Variants in AATF observed in about 807,000 individuals in gnomAD.
The protein encoded by AATF is apoptosis antagonizing transcription factor, also known as protein AATF.
Under a neutral mutation model 63.7 loss-of-function variants are expected in AATF, and 48 were observed. That is an observed-to-expected ratio of 0.75 (90% confidence interval 0.60 to 0.96). The LOEUF (loss-of-function observed/expected upper bound fraction) is 0.96, where lower values mean the gene tolerates loss of function less well. AATF is among the 40% of genes least tolerant of loss of function. The pLI, the probability that AATF is intolerant of heterozygous loss-of-function variation, is 0.00. For missense variants in AATF, 639 were observed against 685.7 expected, an observed-to-expected ratio of 0.93 and a Z score of 0.76; for synonymous variants, 258 against 247.7, an observed-to-expected ratio of 1.04 and a Z score of -0.39.
At chr17:36,992,483 A>G (rs186131974) in intron 8 of AATF, among the ~76,000 whole-genome samples, 2 of 152,336 alleles carry the variant, frequency 1.3e-5, no homozygotes, top group African/African-American at 4.8e-5. Flanking sequence ...GAGACAATCA[A>G]AAATGTTCCA....
At chr17:37,012,862 C>T (rs1198604766) in intron 8 of AATF, among the ~76,000 whole-genome samples, 1 of 152,076 alleles carries the variant, frequency 6.6e-6, no homozygotes, top group Non-Finnish European at 1.5e-5. Flanking sequence ...GGATCATAGA[C>T]CTAAATATAA....
At chr17:36,994,505 G>A (rs1332114614) in intron 8 of AATF, among the ~76,000 whole-genome samples, 1 of 152,226 alleles carries the variant, frequency 6.6e-6, no homozygotes, top group Non-Finnish European at 1.5e-5. Flanking sequence ...GGTTTTATGA[G>A]AGAAACTGTT....
chr17:36,955,405 G>A (rs1597697682), intron 4 of AATF, among the ~76,000 whole-genome samples: 1 of 152,194 alleles, frequency 6.6e-6, no homozygotes, highest in African/African-American at 2.4e-5. Context: ...CTTCCCAGGA[G>A]CCTTACGTGG....
chr17:37,050,439 ATGT>A (rs900614261), intron 11 of AATF, among the ~76,000 whole-genome samples: 5 of 152,246 alleles, frequency 3.3e-5, no homozygotes, highest in African/African-American at 1.2e-4. Context: ...CATCTAGTAC[ATGT>A]TTAAGCTTCC....
chr17:37,008,717 T>C (rs1289079757), intron 8 of AATF, among the ~76,000 whole-genome samples: 1 of 151,954 alleles, frequency 6.6e-6, no homozygotes, highest in African/African-American at 2.4e-5. Context: ...TGGAAAAAAT[T>C]AGCTGGGCAT....
intron 4 of AATF, among the ~76,000 whole-genome samples, chr17:36,979,263 A>G (rs1260323626): frequency 1.3e-5 from 2 of 152,210 alleles, no homozygotes; most frequent in Non-Finnish European, 2.9e-5. Flanking sequence ...TTAAAGTTGA[A>G]GACAGTGGAA....
chr17:36,985,619 C>T (rs1361483020), intron 4 of AATF, among the ~76,000 whole-genome samples: 1 of 151,932 alleles, frequency 6.6e-6, no homozygotes, highest in Non-Finnish European at 1.5e-5. Flanking sequence ...TCTTGACTCA[C>T]TGCAACCTCC....
chr17:37,018,076 A>G (rs925559938), intron 8 of AATF, among the ~76,000 whole-genome samples: 2 of 152,354 alleles, frequency 1.3e-5, no homozygotes, highest in Admixed American at 1.3e-4. Flanking sequence ...AATTTCTCTC[A>G]GAAGATTTTT....
Position 37,056,765 on chromosome 17 carries a change from C to T in AATF, c.*101C>T. On this transcript the variant is annotated 3_prime_UTR_variant, in exon 12 of 12. Coordinates refer to ENST00000619387, the MANE Select transcript of AATF (RefSeq NM_012138.4). The stretch of plus-strand genomic sequence containing the variant: ...TTATGGGGCTGAGCTAGTAGGGAAG[C>T]CCCTGGAAAGATGCTGCGTTCCGAA... 1.5e-6 allele frequency: 2 copies of T among 1,318,844 alleles called. No individual in the cohort carries two copies. Among genetic ancestry groups the T allele is most frequent in the South Asian group, 2.5e-5 (2 of 80,912 alleles). The allele number at this position is 1,318,844 out of a possible 1,614,324, so 81.7% of individuals were successfully genotyped here.
chr17:37,027,421 A>G (rs1214591123), intron 10 of AATF, among the ~76,000 whole-genome samples: 1 of 152,116 alleles, frequency 6.6e-6, no homozygotes, highest in African/African-American at 2.4e-5. Context: ...CTAAGTACAG[A>G]TTACTAAATG....
chr17:36,954,660 A>G (rs1447713054), intron 4 of AATF, among the ~76,000 whole-genome samples: 1 of 152,240 alleles, frequency 6.6e-6, no homozygotes, highest in Non-Finnish European at 1.5e-5. Context: ...AGGAAAAGGA[A>G]TTGAGAGACT....
intron 4 of AATF, among the ~76,000 whole-genome samples, chr17:36,985,651 C>G (rs2142243975): frequency 6.6e-6 from 1 of 152,102 alleles, no homozygotes. Context: ...TTAAGCAATT[C>G]TCCAGCCTCA....
At chr17:37,006,100 A>G (rs1400061215) in intron 8 of AATF, among the ~76,000 whole-genome samples, 2 of 152,226 alleles carry the variant, frequency 1.3e-5, no homozygotes, top group South Asian at 2.1e-4. Context: ...TTGTGCCGCT[A>G]TACTCCAGCC....
intron 11 of AATF, among the ~76,000 whole-genome samples, chr17:37,036,319 C>T (rs1156678464): frequency 1.3e-5 from 2 of 152,112 alleles, no homozygotes. Flanking sequence ...TGAATCCCCC[C>T]CATATCCCTT....
At chr17:37,018,525 T>C (rs2071445132) in intron 8 of AATF, among the ~76,000 whole-genome samples, 1 of 152,224 alleles carries the variant, frequency 6.6e-6, no homozygotes, top group African/African-American at 2.4e-5. Flanking sequence ...TTTAATTACA[T>C]ACAGTAAAGG....
intron 4 of AATF, among the ~76,000 whole-genome samples, chr17:36,959,890 C>G (rs1476083354): frequency 6.6e-6 from 1 of 152,028 alleles, no homozygotes; most frequent in Non-Finnish European, 1.5e-5. Flanking sequence ...AGTATGAAAA[C>G]AGATTTCACT....
At chr17:37,049,907 G>A (rs984617662) in intron 11 of AATF, among the ~76,000 whole-genome samples, 1 of 152,138 alleles carries the variant, frequency 6.6e-6, no homozygotes, top group African/African-American at 2.4e-5. Context: ...CAGAGTGCAG[G>A]AGAGATGGAG....
In AATF at chr17:37,053,919, GGC is replaced by G. The variant is rs748693362; in HGVS notation, c.1620-2681_1620-2680del. ...TGAACGATGAGTATCAAATCATTAT[GGC>G]ATGTAGGTTCCATTGCAGGCATTAC... On this transcript the variant is annotated intron_variant, in intron 11 of 11. Transcript: ENST00000619387. Among the ~76,000 whole-genome samples the G allele has an allele frequency of 7.2e-5, 11 of 152,306 alleles. No homozygotes were observed. The South Asian group carries it at 1.0e-3, about 14-fold the overall frequency.
intron 8 of AATF, among the ~76,000 whole-genome samples, chr17:37,016,552 A>C (rs941080664): frequency 1.3e-5 from 2 of 152,232 alleles, no homozygotes; most frequent in Admixed American, 6.5e-5. Context: ...AATCACATAG[A>C]AAATTACTAC....
Sources: allele counts gnomAD v4.1 joint callset (sites outside exome capture counted in the v4.1 genomes callset), GRCh38; gene constraint gnomAD v4.1.1; transcripts MANE v1.5; gene names NCBI Gene and HGNC (gene_info 2026-07-23, HGNC 2026-07-21).